The following MYT1 variants were observed in gnomAD, a reference collection of about 807,000 sequenced individuals.
MYT1 encodes myelin transcription factor I.
MYT1 carries 23 observed loss-of-function variants against 123.0 expected under a neutral mutation model. That is an observed-to-expected ratio of 0.19 (90% CI 0.13 to 0.26). MYT1 has a LOEUF of 0.26. Ranked by LOEUF, MYT1 falls within the 10% of genes least tolerant of loss-of-function variation. The probability of loss-of-function intolerance (pLI) is 1.00; values close to 1 mark genes in which losing one functional copy is unlikely to be tolerated. For missense variants in MYT1, 1,125 were observed against 1,472.5 expected (o/e 0.76, Z 3.86); for synonymous variants, 518 against 575.3 (o/e 0.90, Z 1.43).
intron 20 of MYT1, among the ~76,000 whole-genome samples, chr20:64,236,923 C>T (rs1328928271): frequency 6.6e-6 from 1 of 152,150 alleles, no homozygotes; most frequent in African/African-American, 2.4e-5. Flanking sequence ...CAGTGGAGCC[C>T]ATGTGCTGTG....
At chr20:64,238,619 G>GCCCTCCCGGCAGAGCCATCCCCGTC (rs1555816068) in intron 21 of MYT1, among the ~76,000 whole-genome samples, 66 of 151,394 alleles carry the variant, frequency 4.4e-4, no homozygotes, top group African/African-American at 1.6e-3. Context: ...AGGAGTGATG[G>GCCCTCCCGGCAGAGCCATCCCCGTC]CCCTCCCGGC....
chr20:64,170,876 TATATATATAG>T (rs1459822894), intron 1 of MYT1, among the ~76,000 whole-genome samples: 16 of 60,606 alleles, frequency 2.6e-4, no homozygotes, highest in South Asian at 1.3e-3. Context: ...TATATATATA[TATATATATAG>T]AGAGAGAGAG....
chr20:64,212,187 GTGGGGGCC>G lies in MYT1; in HGVS notation c.1517+50_1517+57del. The G allele has an allele frequency of 5.1e-6, 3 of 582,650 alleles. No individual in the cohort carries two copies. Among genetic ancestry groups the G allele is most frequent in the African/African-American group, 3.5e-5 (1 of 28,462 alleles). The allele number at this position is 582,650 out of a possible 1,614,324, so 36.1% of individuals were successfully genotyped here. Reference sequence around the variant, plus strand: ...AGTGGGGGCCAGGGTGGGGGCCGTGGTGGGGGCCAGGGTGGGGGCCGTGGTGGGGGCCA... The same window carrying G: ...AGTGGGGGCCAGGGTGGGGGCCGTGGAGGGTGGGGGCCGTGGTGGGGGCCA... On this transcript the variant is annotated intron_variant, in intron 9 of 22. Transcript: ENST00000328439. The surrounding 1 kb of genome is among the most constrained non-coding windows in gnomAD (Gnocchi z 6.8).
chr20:64,234,939 G>A (rs1227346248), intron 19 of MYT1, among the ~76,000 whole-genome samples: 1 of 149,316 alleles, frequency 6.7e-6, no homozygotes, highest in Non-Finnish European at 1.5e-5. Context: ...GCCATGGTGG[G>A]TGACCCTGGG....
intron 14 of MYT1, among the ~76,000 whole-genome samples, chr20:64,222,404 G>A (rs527597578): frequency 1.1e-4 from 16 of 152,234 alleles, no homozygotes; most frequent in African/African-American, 3.1e-4. Flanking sequence ...CCCTGAGGCC[G>A]CAGCTGGGCA....
intron 10 of MYT1, among the ~76,000 whole-genome samples, chr20:64,216,624 C>A (rs1983846425): frequency 6.6e-6 from 1 of 152,238 alleles, no homozygotes; most frequent in Admixed American, 6.5e-5. Context: ...TCCTCAGCTT[C>A]CTCCTTGCTG....
At chr20:64,198,243 C>A (rs868735814) in intron 2 of MYT1, among the ~76,000 whole-genome samples, 7 of 144,982 alleles carry the variant, frequency 4.8e-5, no homozygotes, top group Non-Finnish European at 7.5e-5. Context: ...GCCGAGATCG[C>A]GCCACTGCAC....
At position 64,212,043 on chromosome 20, in the gene MYT1, T is replaced by A. The variant is rs985533644; in HGVS notation, c.1427-5T>A. The A allele has an allele frequency of 6.2e-7, 1 of 1,612,986 alleles. No homozygotes were observed. Among genetic ancestry groups the A allele is most frequent in the East Asian group, 2.2e-5 (1 of 44,850 alleles). On this transcript the variant is annotated splice_polypyrimidine_tract_variant and splice_region_variant and intron_variant, in intron 8 of 22. Transcript: ENST00000328439. The surrounding 1 kb of genome is among the most constrained non-coding windows in gnomAD (Gnocchi z 6.8). ...CGGCTCCCTCCACCCCCTGTTCTCT[T>A]ACAGTCTTAGCCATGCATGAGAACG... is the stretch of plus-strand genomic sequence containing the variant.
At position 64,205,748 on chromosome 20, in the gene MYT1, C is replaced by G. The variant is rs544950207; in HGVS notation, c.345C>G (p.Ala115=). 6.2e-7 allele frequency: 1 copy of G among 1,613,978 alleles called. No individual in the cohort carries two copies. Among genetic ancestry groups the G allele is most frequent in the African/African-American group, 1.3e-5 (1 of 74,926 alleles). ...AATCGGAAGGAACTCTGGAGGGGGC[C>G]GAGGCTGAGACGTCAGGACAGGACG... The part of the protein sequence containing the change: ...SDESEGTLEG[A]EAETSGQDEI... The change falls in exon 6 of 23, where the codon GCC becomes GCG. Residue 115 remains alanine, a synonymous_variant. Coordinates refer to ENST00000328439, the MANE Select transcript of MYT1 (RefSeq NM_004535.3).
At chr20:64,165,589 G>C (rs937742981) in intron 1 of MYT1, among the ~76,000 whole-genome samples, 3 of 152,158 alleles carry the variant, frequency 2.0e-5, no homozygotes, top group Non-Finnish European at 2.9e-5. Context: ...GGTTCTCACT[G>C]CTCCTCCTGA....
intron 2 of MYT1, among the ~76,000 whole-genome samples, chr20:64,195,605 A>G (rs1243963996): frequency 2.6e-5 from 4 of 151,708 alleles, no homozygotes; most frequent in Admixed American, 2.0e-4. Context: ...CCTGTTGGCC[A>G]GGCTTGTCAT....
chr20:64,179,640 C>T (rs889056987), intron 1 of MYT1, among the ~76,000 whole-genome samples: 2 of 152,204 alleles, frequency 1.3e-5, no homozygotes, highest in African/African-American at 2.4e-5. Flanking sequence ...TACAGAGGCT[C>T]CTGCAGCCTC....
rs992867445 is a variant in MYT1 at position 64,196,271 on chromosome 20, TG to T, written c.1-2585del. Among the ~76,000 whole-genome samples, 2 of 151,942 alleles carry T rather than the reference TG, an allele frequency of 1.3e-5. No individual in the cohort carries two copies. Among genetic ancestry groups the T allele is most frequent in the African/African-American group, 2.4e-5 (1 of 41,404 alleles). ...CATTGTGTGGTGGGGGCAGAAGGTC[TG>T]GGGGGCTGCCGTCCAGGGATCACCA... On this transcript the variant is annotated intron_variant, in intron 2 of 22. Coordinates refer to ENST00000328439, the MANE Select transcript of MYT1 (RefSeq NM_004535.3). This position sits in a 1 kb window ranked among gnomAD's most constrained non-coding sequence, Gnocchi z 4.3.
rs770670719 is a variant in MYT1 at position 64,207,901 on chromosome 20, G to A, written c.705G>A (p.Leu235=). 3.7e-6 allele frequency: 6 copies of A among 1,612,832 alleles called. No homozygotes were observed. In the African/African-American group the frequency reaches 4.0e-5, roughly 11 times the overall value. ...VEVTTERSQD[L]CPQSLEDAAS... is the part of the protein sequence containing the mutation. ...TCACCACCGAGCGCTCCCAGGACCT[G>A]TGTCCCCAGTCCCTGGAGGATGCAG... Residue 235 remains leucine, a synonymous_variant, in exon 7 of 23, where the codon CTG becomes CTA. Coordinates refer to ENST00000328439, the MANE Select transcript of MYT1 (RefSeq NM_004535.3).
At chr20:64,237,545 C>T (rs1024665913) in intron 21 of MYT1, among the ~76,000 whole-genome samples, 155 bp downstream of exon 21, 1 of 152,242 alleles carries the variant, frequency 6.6e-6, no homozygotes, top group Non-Finnish European at 1.5e-5. Context: ...ACACTTAGGA[C>T]GTGCTGGCCG....
Position 64,212,193 on chromosome 20 carries a change from GC to G in MYT1, c.1517+57del. 3.0e-6 allele frequency: 1 copy of G among 329,344 alleles called. No individual in the cohort carries two copies. Among genetic ancestry groups the G allele is most frequent in the South Asian group, 3.1e-5 (1 of 32,392 alleles). 20.4% of individuals were successfully genotyped at this position (329,344 alleles called of 1,614,324 possible). On this transcript the variant is annotated intron_variant, in intron 9 of 22. Transcript: ENST00000328439. This position sits in a 1 kb window ranked among gnomAD's most constrained non-coding sequence, Gnocchi z 6.8. ...GGCCAGGGTGGGGGCCGTGGTGGGGGCCAGGGTGGGGGCCGTGGTGGGGGCC... is the reference window on the plus strand; with the variant it reads ...GGCCAGGGTGGGGGCCGTGGTGGGGGCAGGGTGGGGGCCGTGGTGGGGGCC...
rs891539775 is a variant in MYT1 at position 64,240,556 on chromosome 20, G to A, written c.*108G>A. Reference sequence around the variant, plus strand: ...CACAGTGACTTCCCGTTTGGGGCCCGGTGTGGCCGCGGGCGGGTTTATCCA... The same window carrying A: ...CACAGTGACTTCCCGTTTGGGGCCCAGTGTGGCCGCGGGCGGGTTTATCCA... On this transcript the variant is annotated 3_prime_UTR_variant, in exon 23 of 23. Coordinates refer to ENST00000328439, the MANE Select transcript of MYT1 (RefSeq NM_004535.3). The A allele has an allele frequency of 1.3e-5, 19 of 1,428,942 alleles. No individual in the cohort carries two copies. The highest frequency in any genetic ancestry group is 1.6e-5 in the Non-Finnish European group (17 of 1,083,456). The allele number at this position is 1,428,942 out of a possible 1,614,324, so 88.5% of individuals were successfully genotyped here. A position where few individuals can be genotyped will look rare whatever the true frequency, so the allele number is the denominator to read the frequency against.
chr20:64,177,808 G>A (rs1982515305), intron 1 of MYT1, among the ~76,000 whole-genome samples: 1 of 152,228 alleles, frequency 6.6e-6, no homozygotes, highest in Admixed American at 6.5e-5. Context: ...GGGACCCGCA[G>A]TTTCTAGGGC....
At chr20:64,198,569 T>C (rs1983199548) in intron 2 of MYT1, among the ~76,000 whole-genome samples, 1 of 152,360 alleles carries the variant, frequency 6.6e-6, no homozygotes, top group East Asian at 1.9e-4. Flanking sequence ...TCAGCACTTG[T>C]TGGCAGGTGC....
Sources: gnomAD v4.1 joint callset for allele counts (sites outside exome capture counted in the v4.1 genomes callset) on GRCh38, gnomAD v4.1.1 for gene constraint, Gnocchi (gnomAD v3.1) non-coding constraint, MANE v1.5 for transcripts, NCBI Gene and HGNC (gene_info 2026-07-23, HGNC 2026-07-21) for gene names.